Variants in CSMD1 observed in about 807,000 individuals in gnomAD.
CSMD1 encodes the protein CUB and Sushi multiple domains 1.
In CSMD1, 213 loss-of-function variants were observed where a neutral mutation model predicts 417.5. The observed-to-expected ratio is 0.51, with a 90% CI of 0.46 to 0.57. CSMD1 has a LOEUF of 0.57. Ranked by LOEUF, CSMD1 falls within the 20% of genes least tolerant of loss-of-function variation. The pLI, the probability that CSMD1 is intolerant of heterozygous loss-of-function variation, is 0.00. For missense variants in CSMD1, 6,923 were observed against 4,529.7 expected, an observed-to-expected ratio of 1.53 and a Z score of -15.17; for synonymous variants, 2,862 against 1,736.8, an observed-to-expected ratio of 1.65 and a Z score of -16.11.
chr8:3,674,118 A>C (rs1016344453), intron 7 of CSMD1, among the ~76,000 whole-genome samples: 1 of 148,800 alleles, frequency 6.7e-6, no homozygotes, highest in African/African-American at 2.4e-5. Flanking sequence ...AAGACAAAAA[A>C]AATCTCCCTA....
chr8:4,453,972 C>A (rs7835577), intron 2 of CSMD1, among the ~76,000 whole-genome samples: 60,110 of 150,514 alleles, frequency 0.4, 13,439 homozygotes, highest in Non-Finnish European at 0.51. Flanking sequence ...CAGGCGCCCG[C>A]CACCGCGCCC....
At chr8:3,885,856 A>T (rs1243752972) in intron 5 of CSMD1, among the ~76,000 whole-genome samples, 1 of 152,174 alleles carries the variant, frequency 6.6e-6, no homozygotes, top group Non-Finnish European at 1.5e-5. Context: ...CTGTGAACAA[A>T]ACAATTTGCT....
intron 50 of CSMD1, among the ~76,000 whole-genome samples, chr8:3,046,137 G>C (rs923371505): frequency 3.9e-5 from 6 of 152,178 alleles, no homozygotes; most frequent in African/African-American, 1.2e-4. Context: ...TTCTGCAGAG[G>C]AGTGTCCTCT....
chr8:4,012,789 C>A (rs894262696), intron 4 of CSMD1, among the ~76,000 whole-genome samples: 14 of 152,156 alleles, frequency 9.2e-5, no homozygotes, highest in African/African-American at 2.9e-4. Flanking sequence ...ATCTCACAGT[C>A]TTCTCCATCT....
At chr8:4,551,605 T>G (rs949186974) in intron 2 of CSMD1, among the ~76,000 whole-genome samples, 1 of 152,130 alleles carries the variant, frequency 6.6e-6, no homozygotes, top group African/African-American at 2.4e-5. Flanking sequence ...GATGCTGCCA[T>G]CAAATCCAGG....
chr8:3,772,193 C>T (rs201670830), intron 5 of CSMD1, among the ~76,000 whole-genome samples: 77,378 of 95,580 alleles, frequency 0.81, 29,948 homozygotes, highest in Non-Finnish European at 0.84. Flanking sequence ...TATATATACA[C>T]ACACACACAC....
intron 5 of CSMD1, among the ~76,000 whole-genome samples, chr8:3,926,843 G>C (rs561232727): frequency 3.4e-5 from 5 of 148,562 alleles, no homozygotes; most frequent in East Asian, 4.1e-4. Flanking sequence ...AGACTCCCAA[G>C]TAGCTGGGAT....
chr8:4,809,651 T>A (rs1798784515), intron 1 of CSMD1, among the ~76,000 whole-genome samples: 2 of 152,234 alleles, frequency 1.3e-5, no homozygotes, highest in South Asian at 4.1e-4. Flanking sequence ...TAATTTTAAC[T>A]TTTCTAGGGG....
At chr8:3,921,328 G>T (rs1471411081) in intron 5 of CSMD1, among the ~76,000 whole-genome samples, 1 of 151,684 alleles carries the variant, frequency 6.6e-6, no homozygotes. Context: ...TATCATTTTT[G>T]TCTATCCTTT....
At chr8:4,537,354 A>G (rs909613450) in intron 2 of CSMD1, among the ~76,000 whole-genome samples, 4 of 152,220 alleles carry the variant, frequency 2.6e-5, no homozygotes, top group African/African-American at 9.6e-5. Context: ...AGATTATTAT[A>G]TAAAGAAAGT....
chr8:4,498,417 T>A (rs1802085791), intron 2 of CSMD1, among the ~76,000 whole-genome samples: 1 of 152,324 alleles, frequency 6.6e-6, no homozygotes, highest in South Asian at 2.1e-4. Flanking sequence ...GTTCATAATA[T>A]TAATGCATGC....
At chr8:3,976,954 T>A (rs1020200109) in intron 5 of CSMD1, among the ~76,000 whole-genome samples, 1 of 152,178 alleles carries the variant, frequency 6.6e-6, no homozygotes, top group African/African-American at 2.4e-5. Flanking sequence ...TCACAGGGCA[T>A]AGTACACATG....
intron 10 of CSMD1, among the ~76,000 whole-genome samples, chr8:3,510,266 G>A (rs1455328200): frequency 6.6e-6 from 1 of 151,834 alleles, no homozygotes; most frequent in Admixed American, 6.6e-5. Flanking sequence ...TCCCTTGCCT[G>A]CAGCCCAGGC....
intron 5 of CSMD1, among the ~76,000 whole-genome samples, chr8:3,778,323 C>T (rs576180366): frequency 4.6e-4 from 70 of 152,258 alleles, no homozygotes; most frequent in African/African-American, 1.7e-3. Flanking sequence ...TTACATTTTC[C>T]CCAATTAGGG....
intron 5 of CSMD1, among the ~76,000 whole-genome samples, chr8:3,810,901 A>G (rs1223058041): frequency 2.6e-5 from 4 of 152,124 alleles, no homozygotes; most frequent in Non-Finnish European, 5.9e-5. Context: ...TGAGATGTTG[A>G]GAAAAGTGCT....
intron 26 of CSMD1, among the ~76,000 whole-genome samples, chr8:3,272,272 T>C (rs1178934444): frequency 6.9e-6 from 1 of 144,378 alleles, no homozygotes; most frequent in Non-Finnish European, 1.5e-5. Context: ...AGGGCTCTGT[T>C]CTATTCCATT....
At chr8:3,210,183 A>G (rs1471471131) in intron 30 of CSMD1, among the ~76,000 whole-genome samples, 2 of 152,160 alleles carry the variant, frequency 1.3e-5, no homozygotes, top group East Asian at 3.9e-4. Context: ...TCATGCACAA[A>G]TGTGCTGCTC....
chr8:3,775,542 C>T (rs1798848016), intron 5 of CSMD1, among the ~76,000 whole-genome samples: 1 of 152,112 alleles, frequency 6.6e-6, no homozygotes, highest in Admixed American at 6.5e-5. Flanking sequence ...GCAGGGAGAA[C>T]TTTTACAAGA....
intron 4 of CSMD1, among the ~76,000 whole-genome samples, chr8:4,007,288 G>T (rs1303156411): frequency 2.6e-5 from 4 of 152,160 alleles, no homozygotes; most frequent in Non-Finnish European, 4.4e-5. Flanking sequence ...GGCATTATGT[G>T]AGCTGGAATG....
Sources: gnomAD v4.1 joint callset for allele counts (sites outside exome capture counted in the v4.1 genomes callset) on GRCh38, gnomAD v4.1.1 for gene constraint, MANE v1.5 for transcripts, NCBI Gene and HGNC (gene_info 2026-07-23, HGNC 2026-07-21) for gene names.